The following RNF150 variants were observed in gnomAD, a reference collection of about 807,000 sequenced individuals.
RNF150 encodes the protein ring finger protein 150.
RNF150 carries 24 observed loss-of-function variants against 39.3 expected under a neutral mutation model. That is an observed-to-expected ratio of 0.61 (90% CI 0.44 to 0.86). RNF150 has a LOEUF of 0.86. Among genes scored for constraint, RNF150 ranks in the 40% least tolerant of loss-of-function variants. The pLI, the probability that RNF150 is intolerant of heterozygous loss-of-function variation, is 0.00. For missense variants in RNF150, 502 were observed against 587.8 expected (o/e 0.85, Z 1.51); for synonymous variants, 255 against 227.3 (o/e 1.12, Z -1.10).
intron 1 of RNF150, among the ~76,000 whole-genome samples, chr4:141,126,376 G>T (rs866980506): frequency 3.9e-5 from 6 of 152,134 alleles, no homozygotes; most frequent in African/African-American, 1.4e-4. Context: ...GTTTCAACCT[G>T]AATGCCAGAG....
At chr4:141,043,303 T>C (rs2110864849) in intron 1 of RNF150, among the ~76,000 whole-genome samples, 1 of 152,214 alleles carries the variant, frequency 6.6e-6, no homozygotes, top group Non-Finnish European at 1.5e-5. Flanking sequence ...AATTGGCCTC[T>C]GAATCTCCGA....
At chr4:140,996,590 G>A (rs1032770724) in intron 1 of RNF150, among the ~76,000 whole-genome samples, 2 of 152,204 alleles carry the variant, frequency 1.3e-5, no homozygotes, top group African/African-American at 2.4e-5. Flanking sequence ...GGGTTGACAA[G>A]AGAATAAAAT....
intron 6 of RNF150, among the ~76,000 whole-genome samples, chr4:140,874,732 C>A (rs62344966): frequency 0.14 from 21,427 of 152,230 alleles, 1,801 homozygotes; most frequent in East Asian, 0.38. Context: ...CTGCCTCAGC[C>A]TCCTGAATAG....
intron 1 of RNF150, among the ~76,000 whole-genome samples, chr4:141,087,765 A>G (rs1738422222): frequency 6.6e-6 from 1 of 152,170 alleles, no homozygotes; most frequent in Non-Finnish European, 1.5e-5. Flanking sequence ...CACCCAACAT[A>G]AGTTGGACTG....
rs1418569583 is a variant in RNF150, at chr4:140,930,934, C to T, written c.891-4861G>A. 2.0e-5 allele frequency among the ~76,000 whole-genome samples: 3 copies of T among 149,204 alleles called. No individual in the cohort carries two copies. In the Admixed American group the frequency reaches 2.1e-4, roughly 10 times the overall value. On this transcript the variant is annotated intron_variant, in intron 4 of 6. Transcript: ENST00000515673. The stretch of plus-strand genomic sequence containing the variant: ...CAATGGAAAGGTTGCACTCCTGGAT[C>T]TGCTGGGGTTTTTTTTTGTTTGCTT...
chr4:141,130,300 G>A (rs1384486158), intron 1 of RNF150, among the ~76,000 whole-genome samples: 2 of 152,228 alleles, frequency 1.3e-5, no homozygotes. Flanking sequence ...GAAGTGAACA[G>A]AGTCTCCTAA....
At chr4:140,895,000 G>A (rs1729887794) in intron 6 of RNF150, among the ~76,000 whole-genome samples, 1 of 152,222 alleles carries the variant, frequency 6.6e-6, no homozygotes. Context: ...ACTCTTTCTT[G>A]CCCCAGGAAT....
chr4:140,873,162 C>T (rs1245813779), intron 6 of RNF150, among the ~76,000 whole-genome samples: 1 of 152,126 alleles, frequency 6.6e-6, no homozygotes. Context: ...ATTTCACATA[C>T]AAATTTATAT....
At chr4:141,150,691 A>C (rs1449656445) in intron 1 of RNF150, among the ~76,000 whole-genome samples, 1 of 151,986 alleles carries the variant, frequency 6.6e-6, no homozygotes, top group Non-Finnish European at 1.5e-5. Flanking sequence ...TTTTCCCCCA[A>C]CTGATCTCCA....
chr4:140,861,280 C>G lies in RNF150; in HGVS notation c.*6981G>C, dbSNP rs564141669. The stretch of plus-strand genomic sequence containing the variant: ...AGTCCCTTGCTTATAACTGCACAAA[C>G]ATTCTAGCCAGAGGCATCTTCTTTG... On this transcript the variant is annotated 3_prime_UTR_variant, in exon 7 of 7. Coordinates refer to ENST00000515673, the MANE Select transcript of RNF150 (RefSeq NM_020724.2). 15 of 152,320 alleles carry G rather than the reference C, an allele frequency of 9.8e-5. No homozygotes were observed. Among genetic ancestry groups the G allele is most frequent in the African/African-American group, 2.6e-4 (11 of 41,576 alleles). 9.4% of individuals were successfully genotyped at this position (152,320 alleles called of 1,614,324 possible). A position where few individuals can be genotyped will look rare whatever the true frequency, so the allele number is the denominator to read the frequency against.
chr4:140,899,016 G>T (rs1048595074), intron 6 of RNF150, among the ~76,000 whole-genome samples: 5 of 152,176 alleles, frequency 3.3e-5, no homozygotes, highest in Non-Finnish European at 7.3e-5. Flanking sequence ...CATTAGATAC[G>T]AGACAGTGTG....
chr4:141,211,684 T>TTG (rs1193617737), intron 1 of RNF150, among the ~76,000 whole-genome samples: 1 of 151,976 alleles, frequency 6.6e-6, no homozygotes, highest in African/African-American at 2.4e-5. Context: ...TACTTTGTTT[T>TTG]TTTTTTGGAG....
intron 2 of RNF150, among the ~76,000 whole-genome samples, chr4:140,962,956 C>A (rs567602523): frequency 8.2e-4 from 124 of 151,880 alleles, no homozygotes; most frequent in African/African-American, 2.9e-3. Context: ...ATAAAACATA[C>A]ATGGATATGT....
intron 6 of RNF150, among the ~76,000 whole-genome samples, chr4:140,899,680 T>C (rs1730100880): frequency 6.6e-6 from 1 of 152,162 alleles, no homozygotes; most frequent in African/African-American, 2.4e-5. Flanking sequence ...CTTCTAAGCA[T>C]CCTTGCACAC....
chr4:141,179,211 A>G (rs963764998), intron 1 of RNF150, among the ~76,000 whole-genome samples: 1 of 152,198 alleles, frequency 6.6e-6, no homozygotes, highest in Non-Finnish European at 1.5e-5. Flanking sequence ...GTAGACAGTC[A>G]ATCAGTATTT....
intron 4 of RNF150, among the ~76,000 whole-genome samples, chr4:140,930,882 A>C (rs951993439): frequency 6.6e-6 from 1 of 151,642 alleles, no homozygotes; most frequent in African/African-American, 2.4e-5. Flanking sequence ...GCAGCATCAC[A>C]GTCATTTAGC....
chr4:141,162,372 C>T (rs542183319), intron 1 of RNF150, among the ~76,000 whole-genome samples: 47 of 152,274 alleles, frequency 3.1e-4, no homozygotes, highest in South Asian at 4.1e-4. Context: ...CCAATGCCTA[C>T]GCCTCATTGC....
chr4:141,031,854 T>A (rs570317925), intron 1 of RNF150, among the ~76,000 whole-genome samples: 181 of 152,052 alleles, frequency 1.2e-3, no homozygotes, highest in African/African-American at 4.1e-3. Context: ...CCTTAAAAAA[T>A]TAAAACTATG....
chr4:141,084,649 A>T (rs1294952808), intron 1 of RNF150, among the ~76,000 whole-genome samples: 1 of 152,228 alleles, frequency 6.6e-6, no homozygotes, highest in Non-Finnish European at 1.5e-5. Context: ...TCTAGTACAG[A>T]GGTCACATGA....
Sources: gnomAD v4.1 joint callset for allele counts (sites outside exome capture counted in the v4.1 genomes callset) on GRCh38, gnomAD v4.1.1 for gene constraint, MANE v1.5 for transcripts, NCBI Gene and HGNC (gene_info 2026-07-23, HGNC 2026-07-21) for gene names.